Variants in EVC2 observed in about 807,000 individuals in gnomAD.
EVC2 encodes the protein EvC ciliary complex subunit 2, also known as limbin.
Under a neutral mutation model 149.3 loss-of-function variants are expected in EVC2, and 148 were observed. That is an observed-to-expected ratio of 0.99 (90% CI 0.87 to 1.14). The LOEUF (loss-of-function observed/expected upper bound fraction) is 1.14. Ranked by LOEUF, EVC2 falls within the 50% of genes most tolerant of loss-of-function variation. The pLI, the probability that EVC2 is intolerant of heterozygous loss-of-function variation, is 0.00. For missense variants in EVC2, 1,854 were observed against 1,627.3 expected (o/e 1.14, Z -2.40); for synonymous variants, 776 against 649.9 (o/e 1.19, Z -2.95).
At chr4:5,704,932 A>G (rs1414538016) in intron 1 of EVC2, among the ~76,000 whole-genome samples, 1 of 151,428 alleles carries the variant, frequency 6.6e-6, no homozygotes, top group African/African-American at 2.4e-5. Context: ...CTGCTTTTGA[A>G]CTCCTGACCT....
At chr4:5,682,013 C>T (rs568699146) in intron 6 of EVC2, among the ~76,000 whole-genome samples, 2 of 152,318 alleles carry the variant, frequency 1.3e-5, no homozygotes, top group African/African-American at 4.8e-5. Context: ...GTATTAGCCT[C>T]TCTGTGCCTC....
chr4:5,543,121 A>G, exon 22 of EVC2: 1 of 1,289,362 alleles, frequency 7.8e-7, no homozygotes, highest in South Asian at 1.2e-5. Context: ...ACAAACTTGC[A>G]GGTAAGTTCT....
At chr4:5,665,065 T>C (rs1325664729) in intron 8 of EVC2, among the ~76,000 whole-genome samples, 1 of 151,362 alleles carries the variant, frequency 6.6e-6, no homozygotes. Context: ...GGGATGCATG[T>C]GGGTGACAGG....
At position 5,628,618 on chromosome 4, in the gene EVC2, C is replaced by T. The variant is rs758243772; in HGVS notation, c.1827G>A (p.Val609=). Residue 609 remains valine, a synonymous_variant, in exon 12 of 22, where the codon GTG becomes GTA. Transcript: ENST00000344408. ...VQNLQSSETR[V]QGLLSTAAAQ... The stretch of plus-strand genomic sequence containing the variant: ...CTGCAGCGGTGCTCAGAAGGCCCTG[C>T]ACACGGGTCTCTGATGACTGGAGGT... 5 of 1,613,986 alleles carry T rather than the reference C, an allele frequency of 3.1e-6. No homozygotes were observed. Among genetic ancestry groups the T allele is most frequent in the Non-Finnish European group, 3.4e-6 (4 of 1,180,026 alleles).
chr4:5,687,382 G>A (rs757134073), intron 5 of EVC2, among the ~76,000 whole-genome samples: 1 of 152,128 alleles, frequency 6.6e-6, no homozygotes, highest in African/African-American at 2.4e-5. Context: ...CCCTCACAGC[G>A]CCTTCCTAGG....
chr4:5,555,179 A>T (rs1282373717), intron 21 of EVC2, among the ~76,000 whole-genome samples: 1 of 152,086 alleles, frequency 6.6e-6, no homozygotes, highest in East Asian at 1.9e-4. Context: ...TTAAGAGAGG[A>T]GATAAAATAG....
At chr4:5,566,966 A>G (rs1000850762) in intron 20 of EVC2, among the ~76,000 whole-genome samples, 12 of 152,132 alleles carry the variant, frequency 7.9e-5, no homozygotes, top group African/African-American at 2.4e-4. Flanking sequence ...TTTATTTTTA[A>G]TATTATTAAT....
chr4:5,533,571 G>T, the EVC2 span, among the ~76,000 whole-genome samples: 1 of 152,212 alleles, frequency 6.6e-6, no homozygotes, highest in South Asian at 2.1e-4. Context: ...CCAAGGACTG[G>T]AGAGATTAAG....
chr4:5,641,077 C>G (rs1717296482), intron 9 of EVC2, among the ~76,000 whole-genome samples: 1 of 152,122 alleles, frequency 6.6e-6, no homozygotes, highest in African/African-American at 2.4e-5. Flanking sequence ...CAATATAAGA[C>G]ATGTTTCTGT....
chr4:5,656,545 C>T (rs890030672), intron 9 of EVC2, among the ~76,000 whole-genome samples: 18 of 152,300 alleles, frequency 1.2e-4, no homozygotes, highest in Admixed American at 8.5e-4. Context: ...TAAACCCAGT[C>T]CCAAGTGGCC....
rs79879120 is a variant in EVC2 at position 5,698,718 on chromosome 4, C to T, written c.229-1071G>A. Among the ~76,000 whole-genome samples the T allele has an allele frequency of 4.0e-3, 615 of 152,338 alleles. 8 individuals carry two copies. Among genetic ancestry groups the T allele is most frequent in the Admixed American group, 0.018 (283 of 15,306 alleles). On this transcript the variant is annotated intron_variant, in intron 1 of 21. Transcript: ENST00000344408. ...CATTATACTCATTGTACAGCACTAC[C>T]CCCAGTCTACAGTAATGAGATAACT... is the stretch of plus-strand genomic sequence containing the variant.
At chr4:5,566,549 C>G (rs2108768593) in intron 20 of EVC2, among the ~76,000 whole-genome samples, 1 of 152,332 alleles carries the variant, frequency 6.6e-6, no homozygotes, top group African/African-American at 2.4e-5. Flanking sequence ...AAACCCAAGA[C>G]TCATAACTGA....
chr4:5,530,605 A>T, the EVC2 span, among the ~76,000 whole-genome samples: 24 of 152,296 alleles, frequency 1.6e-4, no homozygotes, highest in East Asian at 4.5e-3. Flanking sequence ...ATTATGAACC[A>T]TAGTCCTCCT....
the EVC2 span, among the ~76,000 whole-genome samples, chr4:5,535,135 G>C: frequency 1.3e-5 from 2 of 152,082 alleles, no homozygotes; most frequent in Non-Finnish European, 2.9e-5. The surrounding 1 kb of genome is among the most constrained non-coding windows in gnomAD (Gnocchi z 4.7). Context: ...CAAATCCCCT[G>C]GCTGGTCACC....
chr4:5,648,992 T>G (rs1251326151), intron 9 of EVC2, among the ~76,000 whole-genome samples: 2 of 152,208 alleles, frequency 1.3e-5, no homozygotes, highest in African/African-American at 4.8e-5. Context: ...GACTTAAATT[T>G]TCATTGCCCT....
chr4:5,665,880 T>G (rs551051529), intron 7 of EVC2, among the ~76,000 whole-genome samples: 37 of 152,216 alleles, frequency 2.4e-4, no homozygotes, highest in Admixed American at 9.8e-4. Flanking sequence ...GGCATGGTGA[T>G]TTGCACACAA....
downstream of EVC2, among the ~76,000 whole-genome samples, chr4:5,560,414 G>A (rs530619709): frequency 6.6e-6 from 1 of 152,180 alleles, no homozygotes; most frequent in Non-Finnish European, 1.5e-5. This position sits in a 1 kb window ranked among gnomAD's most constrained non-coding sequence, Gnocchi z 4.1. Context: ...GGCAGAAGGC[G>A]AAGCGGAAGA....
intron 1 of EVC2, among the ~76,000 whole-genome samples, chr4:5,700,756 C>T (rs1359184416): frequency 6.6e-6 from 1 of 152,202 alleles, no homozygotes; most frequent in Admixed American, 6.5e-5. Context: ...CCGATAGCAC[C>T]TTCCAATGGC....
the EVC2 span, among the ~76,000 whole-genome samples, chr4:5,533,046 C>T: frequency 0.2 from 29,275 of 149,926 alleles, 3,440 homozygotes; most frequent in East Asian, 0.6. Context: ...GATGCTAGAA[C>T]GTATCACGGA....
Sources: gnomAD v4.1 joint callset for allele counts (sites outside exome capture counted in the v4.1 genomes callset) on GRCh38, gnomAD v4.1.1 for gene constraint, Gnocchi (gnomAD v3.1) non-coding constraint, MANE v1.5 for transcripts, NCBI Gene and HGNC (gene_info 2026-07-23, HGNC 2026-07-21) for gene names.